The following VWA8 variants were observed in gnomAD, a reference collection of about 807,000 sequenced individuals.
VWA8 encodes the protein von Willebrand factor A domain containing 8, also known as von Willebrand factor A domain-containing protein 8.
A neutral mutation model predicts 241.5 loss-of-function variants in VWA8; 221 were observed. The ratio of observed to expected loss-of-function variants is 0.91; its 90% CI spans 0.82 to 1.02. VWA8 has a LOEUF of 1.02. Among genes scored for constraint, VWA8 ranks in the 50% least tolerant of loss-of-function variants. VWA8 has a pLI of 0.00. For missense variants in VWA8, 2,322 were observed against 2,328.7 expected (o/e 1.00, Z 0.06); for synonymous variants, 852 against 827.1 (o/e 1.03, Z -0.52).
At chr13:41,782,053 T>C (rs1426943975) in intron 19 of VWA8, among the ~76,000 whole-genome samples, 2 of 152,194 alleles carry the variant, frequency 1.3e-5, no homozygotes, top group Non-Finnish European at 2.9e-5. Flanking sequence ...GCAAATTTAA[T>C]CAAGCTACTG....
At chr13:41,636,335 C>T (rs540668361) in intron 37 of VWA8, among the ~76,000 whole-genome samples, 1 of 152,204 alleles carries the variant, frequency 6.6e-6, no homozygotes, top group Non-Finnish European at 1.5e-5. Context: ...GAAAGGATTC[C>T]CTATTTAATA....
chr13:41,574,925 A>G (rs973392015), intron 43 of VWA8, among the ~76,000 whole-genome samples: 22 of 152,230 alleles, frequency 1.4e-4, no homozygotes, highest in African/African-American at 5.3e-4. Context: ...CCAAAGGAAA[A>G]GAAGTCATTA....
intron 20 of VWA8, among the ~76,000 whole-genome samples, chr13:41,773,664 T>C (rs17062541): frequency 1.3e-5 from 2 of 152,190 alleles, no homozygotes; most frequent in African/African-American, 4.8e-5. Context: ...TGTTACCTTA[T>C]GAAAACACAT....
At position 41,570,694 on chromosome 13, in the gene VWA8, G is replaced by T. The variant is rs1172215082; in HGVS notation, c.5383C>A (p.His1795Asn). ...RLEILKTMHAHSQFCMSGDHT... is the reference protein window; with the variant it reads ...RLEILKTMHANSQFCMSGDHT... ...TCCCCACTCATGCAGAACTGAGAGT[G>T]GGCATGCATTGTCTGGAGGTAAAAG... The change falls in exon 44 of 45, where the codon CAC (histidine) becomes AAC (asparagine). Residue 1795 changes from histidine to asparagine, a missense_variant. Coordinates refer to ENST00000379310, the MANE Select transcript of VWA8 (RefSeq NM_015058.2). 4 of 1,612,764 alleles carry T rather than the reference G, an allele frequency of 2.5e-6. No individual in the cohort carries two copies. The highest frequency in any genetic ancestry group is 3.4e-6 in the Non-Finnish European group (4 of 1,178,756).
At chr13:41,897,923 G>A (rs549982070) in intron 4 of VWA8, among the ~76,000 whole-genome samples, 17 of 152,282 alleles carry the variant, frequency 1.1e-4, no homozygotes, top group African/African-American at 4.1e-4. Flanking sequence ...GATTGGTAGA[G>A]CCGAGTGGTC....
Position 41,587,683 on chromosome 13 carries a change from A to G in VWA8, c.5113-13T>C, listed in dbSNP as rs2044428252. On this transcript the variant is annotated splice_polypyrimidine_tract_variant and intron_variant, in intron 41 of 44. Coordinates refer to ENST00000379310, the MANE Select transcript of VWA8 (RefSeq NM_015058.2). ...GTGGGCTGCCAAGCTGAGGGAAGGA[A>G]TAACAGAAAAGCCGTTTGTGAACTG... is the stretch of plus-strand genomic sequence containing the variant. 3 of 1,613,224 alleles carry G rather than the reference A, an allele frequency of 1.9e-6. No individual in the cohort carries two copies. The highest frequency in any genetic ancestry group is 2.5e-6 in the Non-Finnish European group (3 of 1,179,460).
intron 37 of VWA8, among the ~76,000 whole-genome samples, chr13:41,633,929 G>A (rs1371293360): frequency 6.6e-6 from 1 of 152,088 alleles, no homozygotes; most frequent in Non-Finnish European, 1.5e-5. Context: ...ATTCCAACAA[G>A]TTCCCCTGCC....
At chr13:41,581,852 G>A (rs539910500) in intron 42 of VWA8, among the ~76,000 whole-genome samples, 3 of 152,250 alleles carry the variant, frequency 2.0e-5, no homozygotes, top group African/African-American at 4.8e-5. Flanking sequence ...AAAAGGAGGT[G>A]TATTTCAAGA....
At chr13:41,677,902 G>A (rs540494657) in intron 35 of VWA8, among the ~76,000 whole-genome samples, 193 of 152,216 alleles carry the variant, frequency 1.3e-3, no homozygotes, top group Admixed American at 3.7e-3. Context: ...CAAAAAACAA[G>A]AAACTTGACA....
chr13:41,693,850 A>T (rs1384057147), intron 29 of VWA8, among the ~76,000 whole-genome samples: 1 of 152,036 alleles, frequency 6.6e-6, no homozygotes, highest in African/African-American at 2.4e-5. Context: ...ACAGGTTTGC[A>T]GAAAGGTACC....
At chr13:41,606,964 A>G (rs764193372) in intron 39 of VWA8, among the ~76,000 whole-genome samples, 8 of 152,168 alleles carry the variant, frequency 5.3e-5, no homozygotes, top group Non-Finnish European at 1.0e-4. Context: ...TTTAATAGAT[A>G]GGCCTGTTGC....
intron 2 of VWA8, among the ~76,000 whole-genome samples, chr13:41,937,927 G>A (rs917722887): frequency 6.6e-6 from 1 of 152,120 alleles, no homozygotes; most frequent in Non-Finnish European, 1.5e-5. Flanking sequence ...TTGGGACAAC[G>A]AGGTGGGCAG....
intron 37 of VWA8, among the ~76,000 whole-genome samples, chr13:41,664,389 ATGTGTGTGTGTGTGTG>A (rs3073033): frequency 6.5e-5 from 9 of 137,964 alleles, no homozygotes; most frequent in Middle Eastern, 3.6e-3. Context: ...ACATGCTTTG[ATGTGTGTGTGTGTGTG>A]TGTGTGTGTG....
At chr13:41,664,657 A>C (rs2137793025) in intron 37 of VWA8, among the ~76,000 whole-genome samples, 1 of 152,232 alleles carries the variant, frequency 6.6e-6, no homozygotes, top group South Asian at 2.1e-4. Context: ...CGGCCTGGAC[A>C]GACTTTCGAC....
chr13:41,938,015 G>A (rs141888960), intron 2 of VWA8, among the ~76,000 whole-genome samples: 1,577 of 151,946 alleles, frequency 0.01, 31 homozygotes, highest in African/African-American at 0.037. Flanking sequence ...ACAAAAATTA[G>A]CCAGACATGG....
At chr13:41,609,870 T>C (rs2044576234) in intron 39 of VWA8, among the ~76,000 whole-genome samples, 1 of 152,170 alleles carries the variant, frequency 6.6e-6, no homozygotes, top group Non-Finnish European at 1.5e-5. Flanking sequence ...CTTCCCCATG[T>C]CCTCTCTTTC....
At chr13:41,612,329 CA>C (rs1353172851) in intron 38 of VWA8, among the ~76,000 whole-genome samples, 1 of 152,156 alleles carries the variant, frequency 6.6e-6, no homozygotes, top group East Asian at 1.9e-4. Flanking sequence ...ATTATTACAC[CA>C]ACTTTGACTT....
At chr13:41,900,007 T>G (rs1362345003) in intron 4 of VWA8, among the ~76,000 whole-genome samples, 1 of 152,204 alleles carries the variant, frequency 6.6e-6, no homozygotes, top group African/African-American at 2.4e-5. Context: ...CCCTGTCTTT[T>G]ATGGCATACT....
chr13:41,906,338 A>T (rs1304721238), intron 4 of VWA8, among the ~76,000 whole-genome samples: 1 of 152,144 alleles, frequency 6.6e-6, no homozygotes. Flanking sequence ...ACACTTCTGT[A>T]ACATACTTTA....
Sources: allele counts gnomAD v4.1 joint callset (sites outside exome capture counted in the v4.1 genomes callset), GRCh38; gene constraint gnomAD v4.1.1; transcripts MANE v1.5; gene names NCBI Gene and HGNC (gene_info 2026-07-23, HGNC 2026-07-21).